COL5A1: variants seen among roughly 807,000 people sequenced by gnomAD.
COL5A1 encodes the protein collagen type V alpha 1 chain, also known as collagen alpha-1(V) chain.
COL5A1 carries 16 observed loss-of-function variants against 263.7 expected under a neutral mutation model. The ratio of observed to expected loss-of-function variants is 0.06; its 90% CI spans 0.04 to 0.09. COL5A1 has a LOEUF of 0.09. COL5A1 is among the 10% of genes least tolerant of loss of function. The pLI is 1.00. For synonymous variants in COL5A1, 1,012 were observed against 1,004.5 expected (o/e 1.01, Z -0.14); for missense variants, 2,036 against 2,540.5 (o/e 0.80, Z 4.27).
intron 27 of COL5A1, among the ~76,000 whole-genome samples, chr9:134,776,555 C>T (rs771716947): frequency 2.6e-5 from 4 of 152,124 alleles, no homozygotes; most frequent in Admixed American, 6.5e-5. Context: ...TGAGTGGTGT[C>T]GGCGCCTCAC....
chr9:134,684,472 T>C (rs1179532935), intron 1 of COL5A1, among the ~76,000 whole-genome samples: 4 of 152,230 alleles, frequency 2.6e-5, no homozygotes, highest in African/African-American at 9.6e-5. Flanking sequence ...TCCATCCTCA[T>C]GCCTCACCAG....
Position 134,738,749 on chromosome 9 carries a change from C to T in COL5A1, c.1435C>T (p.Leu479Phe). ...CCAACTTTATTTTTAATTCTAGGGT[C>T]TTCCCGGACCTCCAGGAACCATGGG... is the stretch of plus-strand genomic sequence containing the variant. ...GPPGPEGPAG[L>F]PGPPGTMGPT... The change falls in exon 11 of 66, where the codon CTT becomes TTT. Residue 479 changes from leucine (L) to phenylalanine (F), a missense_variant. By Grantham distance (22) the Leu-to-Phe change is conservative (BLOSUM62 0). Transcript: ENST00000371817. The T allele has an allele frequency of 1.9e-6, 3 of 1,612,470 alleles. No homozygotes were observed. Among genetic ancestry groups the T allele is most frequent in the Non-Finnish European group, 1.7e-6 (2 of 1,178,512 alleles).
intron 22 of COL5A1, 43 bp downstream of exon 22, chr9:134,766,541 C>T: frequency 1.3e-6 from 2 of 1,594,642 alleles, no homozygotes; most frequent in Non-Finnish European, 1.7e-6. Flanking sequence ...GGGGCACTTT[C>T]CCTGGGCACA....
intron 43 of COL5A1, among the ~76,000 whole-genome samples, chr9:134,809,671 C>T (rs1588575302): frequency 6.6e-6 from 1 of 152,206 alleles, no homozygotes; most frequent in African/African-American, 2.4e-5. Context: ...TTAAATGTCT[C>T]CGCTTGAATT....
intron 64 of COL5A1, among the ~76,000 whole-genome samples, chr9:134,834,300 G>C (rs375508535): frequency 5.3e-5 from 8 of 152,334 alleles, no homozygotes; most frequent in African/African-American, 1.7e-4. Context: ...CTTCATGCAA[G>C]CCATATTTTT....
intron 1 of COL5A1, among the ~76,000 whole-genome samples, chr9:134,671,574 A>G (rs1229341195): frequency 6.6e-6 from 1 of 152,246 alleles, no homozygotes; most frequent in South Asian, 2.1e-4. Flanking sequence ...GAGCTGAGTC[A>G]GCAGAGCCAG....
At chr9:134,822,933 ATGGAGCACGGTGGGGC>A in intron 59 of COL5A1, 49 bp from the exon 60 acceptor site, 1 of 1,593,804 alleles carries the variant, frequency 6.3e-7, no homozygotes, top group Admixed American at 1.7e-5. Context: ...TGGGCAGGAC[ATGGAGCACGGTGGGGC>A]TGGAGCTGAG....
intron 46 of COL5A1, among the ~76,000 whole-genome samples, 158 bp from the exon 47 acceptor site, chr9:134,812,291 C>T (rs902194213): frequency 9.2e-5 from 14 of 152,224 alleles, no homozygotes; most frequent in Admixed American, 8.5e-4. Flanking sequence ...AGACTGGGAA[C>T]CCCGGGACGT....
intron 1 of COL5A1, among the ~76,000 whole-genome samples, chr9:134,657,373 G>C (rs1397301816): frequency 5.6e-5 from 4 of 71,272 alleles, no homozygotes; most frequent in Non-Finnish European, 8.1e-5. Flanking sequence ...GAAGTTTATA[G>C]ATAATATGGG....
At chr9:134,750,501 G>C in intron 11 of COL5A1, 41 bp from the exon 12 acceptor site, 1 of 1,584,354 alleles carries the variant, frequency 6.3e-7, no homozygotes, top group Non-Finnish European at 8.7e-7. Flanking sequence ...GCCCTGGCCT[G>C]GTTGCACTCT....
intron 11 of COL5A1, among the ~76,000 whole-genome samples, chr9:134,747,721 GCAGA>G (rs1835582514): frequency 7.2e-6 from 1 of 139,466 alleles, no homozygotes; most frequent in Non-Finnish European, 1.5e-5. Flanking sequence ...ATACACACAT[GCAGA>G]CACATGCACA....
chr9:134,666,142 C>T (rs1166694295), intron 1 of COL5A1, among the ~76,000 whole-genome samples: 1 of 152,150 alleles, frequency 6.6e-6, no homozygotes, highest in Non-Finnish European at 1.5e-5. Context: ...AAGATCAACC[C>T]AGGCAGAGGC....
In COL5A1 at chr9:134,766,446, G is replaced by T; in HGVS notation, c.2089-8G>T. On this transcript the variant is annotated splice_region_variant and splice_polypyrimidine_tract_variant and intron_variant, in intron 21 of 65. Coordinates refer to ENST00000371817, the MANE Select transcript of COL5A1 (RefSeq NM_000093.5). ...GTTACATGTTTTTCTTCTTAAAATC[G>T]TACACAGGGTGTCACGGGTATGGAC... 1 of 1,613,990 alleles carries T rather than the reference G, an allele frequency of 6.2e-7. No homozygotes were observed. Among genetic ancestry groups the T allele is most frequent in the Non-Finnish European group, 8.5e-7 (1 of 1,179,908 alleles).
chr9:134,756,833 A>G lies in COL5A1; in HGVS notation c.1881+15A>G. 1 of 1,612,922 alleles carries G rather than the reference A, an allele frequency of 6.2e-7. No homozygotes were observed. Among genetic ancestry groups the G allele is most frequent in the East Asian group, 2.2e-5 (1 of 44,852 alleles). ...CTGGCCCCAAGGTAGGTCACCCACCACCCTCCTGGTGCCCTGGCATCACTG... is the reference window on the plus strand; with the variant it reads ...CTGGCCCCAAGGTAGGTCACCCACCGCCCTCCTGGTGCCCTGGCATCACTG... On this transcript the variant is annotated intron_variant, in intron 17 of 65. Transcript: ENST00000371817.
rs904682936 is a variant in COL5A1, at chr9:134,796,678, C to T, written c.2845-170C>T. 3.3e-5 allele frequency among the ~76,000 whole-genome samples: 5 copies of T among 152,134 alleles called. No homozygotes were observed. The East Asian group carries it at 7.7e-4, about 23-fold the overall frequency. ...GAAATGGGTCCTGGGCCCCATCCTG[C>T]CCCCGAGGGTGAGGCAGGGTGAGGG... On this transcript the variant is annotated intron_variant, in intron 35 of 65. Transcript: ENST00000371817.
Position 134,778,585 on chromosome 9 carries a change from C to T in COL5A1, c.2386-1517C>T, listed in dbSNP as rs80274705. Among the ~76,000 whole-genome samples the T allele has an allele frequency of 3.3e-3, 508 of 152,328 alleles. 4 individuals carry two copies. Among genetic ancestry groups the T allele is most frequent in the African/African-American group, 0.011 (461 of 41,570 alleles). On this transcript the variant is annotated intron_variant, in intron 27 of 65. Transcript: ENST00000371817. ...TGAGCTGTGCCCTGTCCCCCCAAGG[C>T]GCTCCATGCTGGCCCACATTAGTGT...
At chr9:134,711,650 C>A (rs1007421529) in intron 4 of COL5A1, among the ~76,000 whole-genome samples, 1 of 152,100 alleles carries the variant, frequency 6.6e-6, no homozygotes, top group Non-Finnish European at 1.5e-5. Flanking sequence ...ACAGTCAGGG[C>A]AGGACTTCAG....
intron 11 of COL5A1, among the ~76,000 whole-genome samples, chr9:134,748,181 C>A (rs1277062439): frequency 6.6e-6 from 1 of 151,194 alleles, no homozygotes; most frequent in Non-Finnish European, 1.5e-5. Flanking sequence ...CACATGCATT[C>A]ATGCATACAT....
Position 134,794,056 on chromosome 9 carries a change from G to A in COL5A1, c.2701-1026G>A, listed in dbSNP as rs967466835. On this transcript the variant is annotated intron_variant, in intron 32 of 65. Transcript: ENST00000371817. This position sits in a 1 kb window ranked among gnomAD's most constrained non-coding sequence, Gnocchi z 4.3. ...AAACCAGTCAAGTTCAGCCAGGCAC[G>A]GTGGCTCACGCTTGTAATCCCAGCA... is the stretch of plus-strand genomic sequence containing the variant. 2.0e-5 allele frequency among the ~76,000 whole-genome samples: 3 copies of A among 152,132 alleles called. No individual in the cohort carries two copies. Among genetic ancestry groups the A allele is most frequent in the East Asian group, 1.9e-4 (1 of 5,192 alleles).
Sources: allele counts gnomAD v4.1 joint callset (sites outside exome capture counted in the v4.1 genomes callset), GRCh38; gene constraint gnomAD v4.1.1; non-coding constraint Gnocchi (gnomAD v3.1); transcripts MANE v1.5; gene names NCBI Gene and HGNC (gene_info 2026-07-23, HGNC 2026-07-21).